Variants in PPM1E observed in about 807,000 individuals in gnomAD.
PPM1E encodes the protein protein phosphatase 1E.
In PPM1E, 20 loss-of-function variants were observed where a neutral mutation model predicts 65.9. The ratio of observed to expected loss-of-function variants is 0.30; its 90% confidence interval spans 0.21 to 0.44. PPM1E has a LOEUF of 0.44. Among genes scored for constraint, PPM1E ranks in the 20% least tolerant of loss-of-function variants. The probability of loss-of-function intolerance (pLI) is 1.00; values close to 1 mark genes in which losing one functional copy is unlikely to be tolerated. For synonymous variants in PPM1E, 352 were observed against 374.9 expected (o/e 0.94, Z 0.70); for missense variants, 713 against 953.1 (o/e 0.75, Z 3.32).
At chr17:58,761,831 C>T (rs1288617561) in intron 1 of PPM1E, among the ~76,000 whole-genome samples, 1 of 152,190 alleles carries the variant, frequency 6.6e-6, no homozygotes, top group Non-Finnish European at 1.5e-5. Flanking sequence ...ATTTATATCT[C>T]CGTCACTAGA....
chr17:58,782,545 G>A (rs1352814426), intron 1 of PPM1E, among the ~76,000 whole-genome samples: 1 of 151,548 alleles, frequency 6.6e-6, no homozygotes, highest in African/African-American at 2.4e-5. Flanking sequence ...GGGATTACAG[G>A]TGCGTGCCAC....
intron 1 of PPM1E, among the ~76,000 whole-genome samples, chr17:58,801,440 C>CTTTTTTT (rs35970989): frequency 9.9e-6 from 1 of 101,146 alleles, no homozygotes; most frequent in Non-Finnish European, 2.0e-5. Flanking sequence ...CCCCTTCAGT[C>CTTTTTTT]TTTTTTTTTT....
Position 58,853,391 on chromosome 17 carries a change from C to T in PPM1E, c.464+96930C>T, listed in dbSNP as rs371255101. Among the ~76,000 whole-genome samples, 542 of 152,276 alleles carry T rather than the reference C, an allele frequency of 3.6e-3. 4 individuals are homozygous for T. The highest frequency in any genetic ancestry group is 0.024 in the South Asian group (115 of 4,830). ...ATTTTTCTCCACTGGATGGTCTTGA[C>T]ACCCTTGTCAAAAATCACTTTACCA... On this transcript the variant is annotated intron_variant, in intron 1 of 6. Coordinates refer to ENST00000308249, the MANE Select transcript of PPM1E (RefSeq NM_014906.5).
intron 1 of PPM1E, among the ~76,000 whole-genome samples, chr17:58,769,597 T>C (rs1174231831): frequency 6.6e-6 from 1 of 152,004 alleles, no homozygotes; most frequent in Non-Finnish European, 1.5e-5. Context: ...GCCTGAGTGA[T>C]AGAGCCAGAC....
rs766713130 is a variant in PPM1E, at chr17:58,980,985, A to G, written c.2222A>G (p.His741Arg). The G allele has an allele frequency of 5.6e-6, 9 of 1,613,622 alleles. No individual in the cohort carries two copies. Among genetic ancestry groups the G allele is most frequent in the Admixed American group, 3.3e-5 (2 of 59,924 alleles). ...AACATGAGGAAGCTCAGAAAGACTC[A>G]TGATATTCCATGCCCAGATCTTCCT... ...SENMRKLRKT[H>R]DIPCPDLPWS... Residue 741 changes from histidine (H) to arginine (R), a missense_variant, in exon 7 of 7, where the codon CAT (histidine) becomes CGT (arginine). This residue lies in a region of PPM1E where 286 missense variants were observed against 313.8 expected (regional missense o/e 0.91). Transcript: ENST00000308249. The surrounding 1 kb of genome is among the most constrained non-coding windows in gnomAD (Gnocchi z 4.7).
chr17:58,815,901 C>G (rs2050410178), intron 1 of PPM1E, among the ~76,000 whole-genome samples: 1 of 151,956 alleles, frequency 6.6e-6, no homozygotes, highest in Non-Finnish European at 1.5e-5. Context: ...TTTCCTTCCC[C>G]TTACTCCATA....
At chr17:58,822,611 G>T (rs958919058) in intron 1 of PPM1E, among the ~76,000 whole-genome samples, 1 of 152,130 alleles carries the variant, frequency 6.6e-6, no homozygotes, top group African/African-American at 2.4e-5. Context: ...TGCCAAACGT[G>T]TAGCCCATAG....
At chr17:58,945,693 G>C (rs9892795) in intron 1 of PPM1E, among the ~76,000 whole-genome samples, 96,895 of 152,036 alleles carry the variant, frequency 0.64, 31,258 homozygotes, top group African/African-American at 0.71. Context: ...AACCTTCTCC[G>C]AAGTTAAATA....
chr17:58,953,814 C>T (rs2052275396), intron 1 of PPM1E, among the ~76,000 whole-genome samples: 1 of 146,260 alleles, frequency 6.8e-6, no homozygotes, highest in Non-Finnish European at 1.5e-5. Flanking sequence ...ATGGCACGAT[C>T]TCGGCTCACC....
At chr17:58,807,663 A>G (rs1243456175) in intron 1 of PPM1E, among the ~76,000 whole-genome samples, 1 of 152,210 alleles carries the variant, frequency 6.6e-6, no homozygotes, top group Non-Finnish European at 1.5e-5. Flanking sequence ...TACTTATAAC[A>G]CAAATAACTC....
chr17:58,958,582 T>A (rs1444972347), intron 2 of PPM1E, among the ~76,000 whole-genome samples: 4 of 151,624 alleles, frequency 2.6e-5, no homozygotes. Flanking sequence ...TAATAAAAAG[T>A]TTTTGTAAAT....
At chr17:58,916,657 T>G (rs1344148271) in intron 1 of PPM1E, among the ~76,000 whole-genome samples, 1 of 152,040 alleles carries the variant, frequency 6.6e-6, no homozygotes, top group African/African-American at 2.4e-5. Flanking sequence ...AGAAGCTAAC[T>G]AATCAGATGT....
At chr17:58,944,018 C>G (rs1236728489) in intron 1 of PPM1E, among the ~76,000 whole-genome samples, 2 of 152,028 alleles carry the variant, frequency 1.3e-5, no homozygotes, top group African/African-American at 4.8e-5. Flanking sequence ...CTTCTTTTTC[C>G]AACTAAGGAA....
chr17:58,827,217 A>T (rs2050547131), intron 1 of PPM1E, among the ~76,000 whole-genome samples: 1 of 148,576 alleles, frequency 6.7e-6, no homozygotes, highest in Admixed American at 6.9e-5. Flanking sequence ...GGTTTACTGC[A>T]ATCTCCGCCT....
chr17:58,906,839 C>T (rs1165998430), intron 1 of PPM1E, among the ~76,000 whole-genome samples: 1 of 152,124 alleles, frequency 6.6e-6, no homozygotes, highest in African/African-American at 2.4e-5. Flanking sequence ...GCACTGCTTT[C>T]ACTGTATTCC....
At chr17:58,937,626 C>A (rs1341979742) in intron 1 of PPM1E, among the ~76,000 whole-genome samples, 1 of 148,570 alleles carries the variant, frequency 6.7e-6, no homozygotes. Context: ...CCTGTAATCC[C>A]AGCACTTTGG....
At chr17:58,869,041 G>A (rs771830582) in intron 1 of PPM1E, among the ~76,000 whole-genome samples, 10 of 152,080 alleles carry the variant, frequency 6.6e-5, no homozygotes, top group Non-Finnish European at 1.5e-4. Context: ...ATGGTGGCGT[G>A]TACCTGTAGT....
intron 1 of PPM1E, among the ~76,000 whole-genome samples, chr17:58,844,938 A>G (rs962722505): frequency 1.3e-5 from 2 of 152,220 alleles, no homozygotes; most frequent in Admixed American, 1.3e-4. Flanking sequence ...ATTTCTATCA[A>G]TAACCTTTTA....
chr17:58,837,320 A>AACACAC (rs371754222), intron 1 of PPM1E, among the ~76,000 whole-genome samples: 14 of 120,286 alleles, frequency 1.2e-4, no homozygotes, highest in African/African-American at 2.0e-4. Flanking sequence ...GAATGAGAAT[A>AACACAC]ACACACACAC....
Sources: allele counts gnomAD v4.1 joint callset (sites outside exome capture counted in the v4.1 genomes callset), GRCh38; gene constraint gnomAD v4.1.1; regional missense constraint gnomAD v4.1.1; non-coding constraint Gnocchi (gnomAD v3.1); transcripts MANE v1.5; gene names NCBI Gene and HGNC (gene_info 2026-07-23, HGNC 2026-07-21).